SLC1A1: variants seen among roughly 807,000 people sequenced by gnomAD.
SLC1A1 encodes the protein excitatory amino acid transporter 3.
In SLC1A1, 43 loss-of-function variants were observed where a neutral mutation model predicts 53.3. The ratio of observed to expected loss-of-function variants is 0.81; its 90% CI spans 0.63 to 1.04. The LOEUF is 1.04. Among genes scored for constraint, SLC1A1 ranks in the 50% least tolerant of loss-of-function variants. The probability of loss-of-function intolerance (pLI) is 0.00; values close to 1 mark genes in which losing one functional copy is unlikely to be tolerated. For missense variants in SLC1A1, 748 were observed against 664.9 expected (o/e 1.12, Z -1.37); for synonymous variants, 307 against 243.2 (o/e 1.26, Z -2.44).
intron 1 of SLC1A1, among the ~76,000 whole-genome samples, chr9:4,532,890 G>T (rs907703413): frequency 6.6e-6 from 1 of 152,314 alleles, no homozygotes; most frequent in Non-Finnish European, 1.5e-5. Context: ...CAAGCCAGAA[G>T]AGAGTGGGGG....
intron 1 of SLC1A1, among the ~76,000 whole-genome samples, chr9:4,526,888 T>C (rs1483083017): frequency 2.0e-5 from 3 of 152,090 alleles, no homozygotes; most frequent in African/African-American, 7.2e-5. Flanking sequence ...AGTGTGGATA[T>C]GATGGGATTT....
intron 2 of SLC1A1, among the ~76,000 whole-genome samples, chr9:4,560,623 C>A (rs572194237): frequency 6.6e-6 from 1 of 151,530 alleles, no homozygotes; most frequent in African/African-American, 2.4e-5. Context: ...TTATTTTTTC[C>A]AGTTAAGCCT....
chr9:4,525,861 T>G (rs570566613), intron 1 of SLC1A1, among the ~76,000 whole-genome samples: 5 of 152,282 alleles, frequency 3.3e-5, no homozygotes, highest in Admixed American at 3.3e-4. Context: ...GAAACTCATA[T>G]TTTTTCAAAG....
intron 2 of SLC1A1, among the ~76,000 whole-genome samples, chr9:4,552,183 C>T (rs891940227): frequency 2.0e-5 from 3 of 152,122 alleles, no homozygotes; most frequent in African/African-American, 7.2e-5. Context: ...GAAGACCATT[C>T]GTTCATTTAT....
intron 2 of SLC1A1, chr9:4,553,429 G>C (rs940221068): frequency 7.5e-5 from 11 of 146,102 alleles, no homozygotes; most frequent in East Asian, 4.0e-4. Context: ...GCAGTGGTGC[G>C]ATCTCAGCTC....
chr9:4,512,313 C>T (rs1821025020), intron 1 of SLC1A1, among the ~76,000 whole-genome samples: 1 of 152,020 alleles, frequency 6.6e-6, no homozygotes, highest in African/African-American at 2.4e-5. Context: ...AGGAATTGAA[C>T]ACCATCTTGG....
intron 1 of SLC1A1, among the ~76,000 whole-genome samples, chr9:4,510,854 C>A (rs1477873363): frequency 6.6e-6 from 1 of 152,176 alleles, no homozygotes; most frequent in African/African-American, 2.4e-5. Context: ...CTCATCCTAC[C>A]ATGTTCCCCC....
At chr9:4,532,424 C>T (rs556891916) in intron 1 of SLC1A1, among the ~76,000 whole-genome samples, 11 of 152,184 alleles carry the variant, frequency 7.2e-5, no homozygotes, top group Admixed American at 5.9e-4. Context: ...ATGCACAAGC[C>T]TCAGTAGCCG....
chr9:4,574,092 G>A, intron 8 of SLC1A1, 78 bp downstream of exon 8: 1 of 940,362 alleles, frequency 1.1e-6, no homozygotes, highest in Non-Finnish European at 1.7e-6. Flanking sequence ...GGTTTCAGTT[G>A]GTTAAAACTG....
chr9:4,548,640 G>T (rs1817678716), intron 2 of SLC1A1, among the ~76,000 whole-genome samples: 1 of 152,184 alleles, frequency 6.6e-6, no homozygotes, highest in Non-Finnish European at 1.5e-5. Context: ...AGGGAAATTT[G>T]AACATAGACT....
chr9:4,534,605 G>A (rs1190997135), intron 1 of SLC1A1, among the ~76,000 whole-genome samples: 1 of 151,966 alleles, frequency 6.6e-6, no homozygotes, highest in Non-Finnish European at 1.5e-5. Flanking sequence ...AGGACCAGAT[G>A]GATTCACAGC....
chr9:4,537,701 T>C (rs1290313798), intron 1 of SLC1A1, among the ~76,000 whole-genome samples: 1 of 151,934 alleles, frequency 6.6e-6, no homozygotes, highest in Non-Finnish European at 1.5e-5. Context: ...ATTACATTTA[T>C]AGGAAATGCC....
chr9:4,541,622 A>C (rs1817017461), intron 1 of SLC1A1, among the ~76,000 whole-genome samples: 1 of 152,360 alleles, frequency 6.6e-6, no homozygotes, highest in African/African-American at 2.4e-5. Flanking sequence ...GTAGGTAAGG[A>C]AAAGGCTAAT....
At chr9:4,576,218 G>C (rs41279547) in intron 9 of SLC1A1, 95 bp downstream of exon 9, 22,182 of 1,260,476 alleles carry the variant, frequency 0.018, 227 homozygotes, top group Middle Eastern at 0.025. Context: ...TGCGGTTTTT[G>C]TAGCTGTCTT....
chr9:4,556,157 T>TTG lies in SLC1A1; in HGVS notation c.233-5279_233-5278dup, dbSNP rs1328518693. Among the ~76,000 whole-genome samples, 16 of 151,428 alleles carry TTG rather than the reference T, an allele frequency of 1.1e-4. No homozygotes were observed. The highest frequency in any genetic ancestry group is 1.7e-4 in the African/African-American group (7 of 41,182). ...GTGCACACCATCACACCCAGCAAAT[T>TTG]TGTGTGTGTGTGTGGTTTTGTTTTT... On this transcript the variant is annotated intron_variant, in intron 2 of 11. Coordinates refer to ENST00000262352, the MANE Select transcript of SLC1A1 (RefSeq NM_004170.6). The surrounding 1 kb of genome is among the most constrained non-coding windows in gnomAD (Gnocchi z 4.1).
intron 8 of SLC1A1, among the ~76,000 whole-genome samples, chr9:4,575,290 G>A (rs998751277): frequency 6.6e-6 from 1 of 152,184 alleles, no homozygotes; most frequent in Non-Finnish European, 1.5e-5. Flanking sequence ...TCTGTGAAAT[G>A]AGTCTCATTT....
intron 9 of SLC1A1, among the ~76,000 whole-genome samples, 184 bp from the exon 10 acceptor site, chr9:4,576,385 T>G (rs1820549383): frequency 6.6e-6 from 1 of 152,268 alleles, no homozygotes; most frequent in Non-Finnish European, 1.5e-5. Context: ...TTCCTGGACC[T>G]GCCTAAAGGG....
chr9:4,576,836 G>T (rs1255616325), intron 10 of SLC1A1, 73 bp downstream of exon 10: 2 of 1,370,814 alleles, frequency 1.5e-6, no homozygotes, highest in East Asian at 2.3e-5. Flanking sequence ...TCCATGAAGG[G>T]ACACCAAGAA....
intron 1 of SLC1A1, among the ~76,000 whole-genome samples, chr9:4,511,594 C>G (rs953660102): frequency 2.6e-5 from 4 of 151,196 alleles, no homozygotes; most frequent in Non-Finnish European, 5.9e-5. Flanking sequence ...CACACACACA[C>G]ACACACTACA....
Sources: gnomAD v4.1 joint callset for allele counts (sites outside exome capture counted in the v4.1 genomes callset) on GRCh38, gnomAD v4.1.1 for gene constraint, Gnocchi (gnomAD v3.1) non-coding constraint, MANE v1.5 for transcripts, NCBI Gene and HGNC (gene_info 2026-07-23, HGNC 2026-07-21) for gene names.